Variants in NAT2 observed in about 807,000 individuals in gnomAD.
NAT2 encodes the protein arylamine N-acetyltransferase 2.
For synonymous variants in NAT2, 137 were observed against 125.9 expected, an observed-to-expected ratio of 1.09 and a Z score of -0.59; for missense variants, 428 against 339.1, an observed-to-expected ratio of 1.26 and a Z score of -2.06.
chr8:18,388,165 A>T (rs1159279864), upstream of NAT2, among the ~76,000 whole-genome samples: 3 of 152,236 alleles, frequency 2.0e-5, no homozygotes, highest in African/African-American at 4.8e-5. Context: ...CTGAGCACCC[A>T]AGAGTTTTAA....
At chr8:18,396,861 C>A (rs1337759494) in intron 1 of NAT2, among the ~76,000 whole-genome samples, 1 of 152,168 alleles carries the variant, frequency 6.6e-6, no homozygotes, top group Non-Finnish European at 1.5e-5. Flanking sequence ...TTAAATGTGA[C>A]TAGTTTTGTC....
chr8:18,395,480 T>A (rs1800668224), intron 1 of NAT2, among the ~76,000 whole-genome samples: 1 of 152,162 alleles, frequency 6.6e-6, no homozygotes, highest in South Asian at 2.1e-4. Flanking sequence ...AATATAAATG[T>A]AGAACAAATA....
intron 1 of NAT2, among the ~76,000 whole-genome samples, chr8:18,393,910 CT>C (rs35713787): frequency 6.6e-6 from 1 of 152,164 alleles, no homozygotes; most frequent in African/African-American, 2.4e-5. Context: ...AGTATTTCTG[CT>C]TCCAGTTCTT....
upstream of NAT2, chr8:18,391,235 G>A (rs1199017603): frequency 1.3e-5 from 2 of 152,102 alleles, no homozygotes; most frequent in East Asian, 1.9e-4. Flanking sequence ...AGGGTGATAC[G>A]GAATTCCAGT....
At chr8:18,396,370 A>C (rs1036303803) in intron 1 of NAT2, among the ~76,000 whole-genome samples, 1 of 152,176 alleles carries the variant, frequency 6.6e-6, no homozygotes, top group African/African-American at 2.4e-5. Context: ...AATCTTTCAT[A>C]AACCTTTAGT....
intron 1 of NAT2, among the ~76,000 whole-genome samples, chr8:18,394,490 G>A (rs2101684): frequency 1 from 152,071 of 152,320 alleles, 75,913 homozygotes; most frequent in Middle Eastern, 1. Context: ...ATTCTTTTTT[G>A]TAAAGAATCT....
intron 1 of NAT2, among the ~76,000 whole-genome samples, chr8:18,394,198 A>C (rs989259768): frequency 6.6e-6 from 1 of 152,184 alleles, no homozygotes; most frequent in Non-Finnish European, 1.5e-5. Flanking sequence ...AGGAGAAGGA[A>C]TTTCACAAGA....
At chr8:18,388,735 A>C (rs1308621192), upstream of NAT2, among the ~76,000 whole-genome samples, 1 of 152,216 alleles carries the variant, frequency 6.6e-6, no homozygotes, top group East Asian at 1.9e-4. Flanking sequence ...GACACAAACA[A>C]CATGCTTTCT....
upstream of NAT2, among the ~76,000 whole-genome samples, chr8:18,390,848 AAAG>A (rs1189161934): frequency 2.0e-5 from 3 of 152,188 alleles, no homozygotes; most frequent in African/African-American, 7.2e-5. Flanking sequence ...TGAGAGATGA[AAAG>A]AGGCAGAAGA....
Position 18,400,009 on chromosome 8 carries a change from C to T in NAT2, c.6C>T (p.Asp2=). The change falls in exon 2 of 2, where the codon GAC becomes GAT. Residue 2 remains aspartate (D), a synonymous_variant. Transcript: ENST00000286479. The part of the protein sequence containing the change: M[D]IEAYFERIGY... ...TTTTTCTTGCTTAGGGGATCATGGA[C>T]ATTGAAGCATATTTTGAAAGAATTG... 6.3e-7 allele frequency: 1 copy of T among 1,581,588 alleles called. No homozygotes were observed. Among genetic ancestry groups the T allele is most frequent in the Non-Finnish European group, 8.6e-7 (1 of 1,162,210 alleles).
chr8:18,389,583 C>T (rs1325283240), upstream of NAT2, among the ~76,000 whole-genome samples: 2 of 152,110 alleles, frequency 1.3e-5, no homozygotes, highest in Non-Finnish European at 2.9e-5. Flanking sequence ...TGGCTAACAC[C>T]AAATGTCAAT....
At chr8:18,393,880 C>T (rs1411809039) in intron 1 of NAT2, among the ~76,000 whole-genome samples, 1 of 152,156 alleles carries the variant, frequency 6.6e-6, no homozygotes, top group Non-Finnish European at 1.5e-5. Flanking sequence ...CTAACAGATA[C>T]ACTATAGTTT....
intron 1 of NAT2, among the ~76,000 whole-genome samples, chr8:18,394,404 G>A (rs184767473): frequency 6.6e-6 from 1 of 152,244 alleles, no homozygotes; most frequent in African/African-American, 2.4e-5. Context: ...TACTTGGTCT[G>A]ATTTTTTGCA....
upstream of NAT2, among the ~76,000 whole-genome samples, chr8:18,390,676 C>G (rs1800578012): frequency 6.6e-6 from 1 of 151,660 alleles, no homozygotes. Context: ...TCTGATGATA[C>G]CCATGCCACA....
Position 18,400,939 on chromosome 8 carries a change from G to A in NAT2, c.*63G>A. On this transcript the variant is annotated 3_prime_UTR_variant, in exon 2 of 2. Transcript: ENST00000286479. ...CAACTCACTAATTATCAACTTATGT[G>A]CTATCAGATATCCTCTCTACCCTCA... The A allele has an allele frequency of 1.6e-6, 2 of 1,277,652 alleles. No homozygotes were observed. The highest frequency in any genetic ancestry group is 2.2e-6 in the Non-Finnish European group (2 of 928,796). The allele number at this position is 1,277,652 out of a possible 1,614,324, so 79.1% of individuals were successfully genotyped here.
chr8:18,397,409 T>C (rs1331253203), intron 1 of NAT2, among the ~76,000 whole-genome samples: 3 of 152,094 alleles, frequency 2.0e-5, no homozygotes, highest in Non-Finnish European at 4.4e-5. Context: ...GAAAAGAGAA[T>C]TATTTTGTAT....
chr8:18,399,814 A>G (rs934646795), intron 1 of NAT2, among the ~76,000 whole-genome samples, 184 bp from the exon 2 acceptor site: 6 of 152,216 alleles, frequency 3.9e-5, no homozygotes, highest in Admixed American at 6.5e-5. Flanking sequence ...TGAGACTACT[A>G]AGAGAACTTA....
intron 1 of NAT2, among the ~76,000 whole-genome samples, chr8:18,391,723 T>C (rs1005362033): frequency 6.6e-6 from 1 of 152,206 alleles, no homozygotes; most frequent in African/African-American, 2.4e-5. Flanking sequence ...TTGACACATA[T>C]TGAAATGGTC....
chr8:18,400,477 C>G lies in NAT2; in HGVS notation c.474C>G (p.Ile158Met). The G allele has an allele frequency of 1.2e-6, 2 of 1,613,826 alleles. No homozygotes were observed. Among genetic ancestry groups the G allele is most frequent in the Non-Finnish European group, 8.5e-7 (1 of 1,179,946 alleles). Residue 158 changes from isoleucine (I) to methionine (M), a missense_variant, in exon 2 of 2, where the codon ATC becomes ATG. Transcript: ENST00000286479. Reference protein sequence around the residue: ...CIFCLTEERGIWYLDQIRREQ... With the variant: ...CIFCLTEERGMWYLDQIRREQ... ...TCTGCTTGACAGAAGAGAGAGGAAT[C>G]TGGTACCTGGACCAAATCAGGAGAG...
Sources: gnomAD v4.1 joint callset for allele counts (sites outside exome capture counted in the v4.1 genomes callset) on GRCh38, gnomAD v4.1.1 for gene constraint, MANE v1.5 for transcripts, NCBI Gene and HGNC (gene_info 2026-07-23, HGNC 2026-07-21) for gene names.